Variants in KANK1 observed in about 807,000 individuals in gnomAD.
The protein encoded by KANK1 is KN motif and ankyrin repeat domain-containing protein 1.
A neutral mutation model predicts 106.2 loss-of-function variants in KANK1; 109 were observed. The observed-to-expected ratio is 1.03, with a 90% CI of 0.88 to 1.20. KANK1 has a LOEUF of 1.20. Among genes scored for constraint, KANK1 ranks in the 50% most tolerant of loss-of-function variants. KANK1 has a pLI of 0.00. For missense variants in KANK1, 2,399 were observed against 1,710.7 expected (o/e 1.40, Z -7.10); for synonymous variants, 873 against 652.2 (o/e 1.34, Z -5.16).
At chr9:676,721 T>C (rs944523910) in intron 1 of KANK1, among the ~76,000 whole-genome samples, 169 bp from the exon 2 acceptor site, 3 of 152,208 alleles carry the variant, frequency 2.0e-5, no homozygotes, top group South Asian at 2.1e-4. Flanking sequence ...GTGGGTGTTA[T>C]CTCCATACTG....
At chr9:495,136 A>C (rs866307211) in intron 3 of KANK1, 3 of 152,202 alleles carry the variant, frequency 2.0e-5, no homozygotes, top group Non-Finnish European at 2.9e-5. Context: ...TCCTGTAAGT[A>C]ATTGCCTTGG....
chr9:710,106 G>A (rs755405985), intron 2 of KANK1, among the ~76,000 whole-genome samples: 1 of 152,078 alleles, frequency 6.6e-6, no homozygotes, highest in African/African-American at 2.4e-5. Context: ...TGAGTACGGT[G>A]TGCACTATTT....
rs535653827 is a variant in KANK1, at chr9:584,917, C to G, written c.-84+80163C>G. Among the ~76,000 whole-genome samples, 14 of 152,296 alleles carry G rather than the reference C, an allele frequency of 9.2e-5. No homozygotes were observed. The South Asian group carries it at 2.5e-3, about 27-fold the overall frequency. ...GAAGTCTCTGCTTGTTTCCGTTTGC[C>G]TTCCTCCCAGTTTCTCCTCAATGCC... On this transcript the variant is annotated intron_variant, in intron 1 of 11. Transcript: ENST00000382297.
intron 3 of KANK1, among the ~76,000 whole-genome samples, chr9:728,360 G>A (rs1177066977): frequency 6.6e-6 from 1 of 152,110 alleles, no homozygotes; most frequent in African/African-American, 2.4e-5. Context: ...ACCATGCGTG[G>A]CTAATTTTTG....
intron 1 of KANK1, among the ~76,000 whole-genome samples, chr9:534,469 G>C (rs2060205577): frequency 6.6e-6 from 1 of 152,140 alleles, no homozygotes; most frequent in African/African-American, 2.4e-5. Flanking sequence ...AAAGAAAAGG[G>C]GAAAATGCCG....
intron 1 of KANK1, among the ~76,000 whole-genome samples, chr9:659,024 G>A (rs1374957617): frequency 1.3e-5 from 2 of 152,000 alleles, no homozygotes; most frequent in South Asian, 2.1e-4. Flanking sequence ...TTTCTCCTTC[G>A]TAGCATTTAG....
chr9:626,092 T>A (rs540403070), intron 1 of KANK1, among the ~76,000 whole-genome samples: 11 of 152,240 alleles, frequency 7.2e-5, no homozygotes, highest in African/African-American at 2.6e-4. Context: ...TCCTCATCAA[T>A]AAGGTACAGA....
chr9:595,259 T>A (rs1017593706), intron 1 of KANK1, among the ~76,000 whole-genome samples: 11 of 151,800 alleles, frequency 7.2e-5, no homozygotes, highest in Non-Finnish European at 1.6e-4. Flanking sequence ...ACTTTTAAAA[T>A]GTGGTGATTG....
At chr9:498,679 C>A (rs2058496439) in intron 3 of KANK1, among the ~76,000 whole-genome samples, 1 of 152,172 alleles carries the variant, frequency 6.6e-6, no homozygotes, top group African/African-American at 2.4e-5. Flanking sequence ...AATACGAATT[C>A]TCAACATAAT....
In KANK1 at chr9:611,961, G is replaced by A. The variant is rs901209764; in HGVS notation, c.-83-64929G>A. ...TCTCGATCTCCTGACCTTGTGATCC[G>A]CCAGTCTCGGCCTCCCAGGGTGCTG... On this transcript the variant is annotated intron_variant, in intron 1 of 11. Coordinates refer to ENST00000382297, the MANE Select transcript of KANK1 (RefSeq NM_015158.5). Among the ~76,000 whole-genome samples, 61 of 152,108 alleles carry A rather than the reference G, an allele frequency of 4.0e-4. 1 individual carries two copies. Among genetic ancestry groups the A allele is most frequent in the Admixed American group, 1.6e-3 (24 of 15,276 alleles).
chr9:663,920 C>T (rs551756564), intron 1 of KANK1, among the ~76,000 whole-genome samples: 2 of 152,212 alleles, frequency 1.3e-5, no homozygotes, highest in South Asian at 4.1e-4. Context: ...CTTTGGGACA[C>T]AAGGAGGCAG....
intron 1 of KANK1, among the ~76,000 whole-genome samples, chr9:519,041 C>G (rs1000357680): frequency 6.6e-6 from 1 of 151,582 alleles, no homozygotes; most frequent in Non-Finnish European, 1.5e-5. Context: ...CAGGCATGCA[C>G]CACCAGGCCT....
upstream of KANK1, among the ~76,000 whole-genome samples, chr9:503,504 C>T (rs2058605607): frequency 6.6e-6 from 1 of 152,206 alleles, no homozygotes; most frequent in Non-Finnish European, 1.5e-5. Context: ...AAAGCAGCGT[C>T]TTCTCCCCAG....
At chr9:584,057 CCAGG>C (rs1822835929) in intron 1 of KANK1, among the ~76,000 whole-genome samples, 1 of 151,932 alleles carries the variant, frequency 6.6e-6, no homozygotes, top group African/African-American at 2.4e-5. Flanking sequence ...TGACCTTATC[CCAGG>C]CAAATACTTG....
At chr9:523,305 C>G (rs1182869958) in intron 1 of KANK1, among the ~76,000 whole-genome samples, 1 of 151,666 alleles carries the variant, frequency 6.6e-6, no homozygotes, top group Admixed American at 6.6e-5. Flanking sequence ...TCCCCTATCT[C>G]ATACACCCTA....
At chr9:700,305 T>A (rs1383060676) in intron 2 of KANK1, among the ~76,000 whole-genome samples, 1 of 152,202 alleles carries the variant, frequency 6.6e-6, no homozygotes, top group Non-Finnish European at 1.5e-5. Context: ...ACAAATGGTG[T>A]TCCTCACACA....
chr9:542,415 T>C (rs2060658315), intron 1 of KANK1, among the ~76,000 whole-genome samples: 2 of 152,204 alleles, frequency 1.3e-5, no homozygotes, highest in Admixed American at 1.3e-4. Context: ...GTAACAAGTG[T>C]GTTGGGAAAA....
intron 8 of KANK1, among the ~76,000 whole-genome samples, chr9:740,488 A>C (rs1199746504): frequency 6.6e-6 from 1 of 152,344 alleles, no homozygotes; most frequent in Non-Finnish European, 1.5e-5. Context: ...TCTCAAGAGC[A>C]ACCAGTAGAA....
chr9:671,234 T>C (rs1845832511), intron 1 of KANK1, among the ~76,000 whole-genome samples: 1 of 151,828 alleles, frequency 6.6e-6, no homozygotes, highest in South Asian at 2.1e-4. Context: ...AGTTTTTTTT[T>C]TGTTTGTTTT....
Sources: allele counts gnomAD v4.1 joint callset (sites outside exome capture counted in the v4.1 genomes callset), GRCh38; gene constraint gnomAD v4.1.1; transcripts MANE v1.5; gene names NCBI Gene and HGNC (gene_info 2026-07-23, HGNC 2026-07-21).